AP2B1: variants seen among roughly 807,000 people sequenced by gnomAD.
AP2B1 encodes adaptor related protein complex 2 subunit beta 1.
A neutral mutation model predicts 102.0 loss-of-function variants in AP2B1; 23 were observed. The ratio of observed to expected loss-of-function variants is 0.23; its 90% CI spans 0.16 to 0.32. The LOEUF is 0.32. Among genes scored for constraint, AP2B1 ranks in the 10% least tolerant of loss-of-function variants. The probability of loss-of-function intolerance (pLI) is 1.00; values close to 1 mark genes in which losing one functional copy is unlikely to be tolerated. For missense variants in AP2B1, 541 were observed against 1,157.4 expected, an observed-to-expected ratio of 0.47 and a Z score of 7.73; for synonymous variants, 381 against 421.2, an observed-to-expected ratio of 0.90 and a Z score of 1.17.
chr17:35,626,960 T>A, intron 7 of AP2B1, 118 bp downstream of exon 7: 1 of 1,028,222 alleles, frequency 9.7e-7, no homozygotes, highest in Non-Finnish European at 1.4e-6. Flanking sequence ...GAAAATGTTA[T>A]ATGGCAGAAA....
At chr17:35,675,431 T>C (rs961990535) in intron 17 of AP2B1, among the ~76,000 whole-genome samples, 2 of 152,250 alleles carry the variant, frequency 1.3e-5, no homozygotes, top group Non-Finnish European at 2.9e-5. Flanking sequence ...ATGTTAAAAA[T>C]CATTTAACTA....
intron 13 of AP2B1, among the ~76,000 whole-genome samples, chr17:35,652,358 G>A (rs780774930): frequency 3.3e-5 from 5 of 152,184 alleles, no homozygotes; most frequent in South Asian, 2.1e-4. Flanking sequence ...GTTAATAAGT[G>A]ATACACCTCT....
chr17:35,652,396 C>T (rs1732869666), intron 13 of AP2B1, among the ~76,000 whole-genome samples: 2 of 152,106 alleles, frequency 1.3e-5, no homozygotes, highest in African/African-American at 2.4e-5. Context: ...CACTTTAAAC[C>T]TTATTCTGCA....
chr17:35,706,817 A>T (rs587738843), intron 18 of AP2B1, among the ~76,000 whole-genome samples: 17 of 151,488 alleles, frequency 1.1e-4, no homozygotes, highest in African/African-American at 2.7e-4. Flanking sequence ...ATATATATAT[A>T]TTTTTTTGTA....
intron 9 of AP2B1, among the ~76,000 whole-genome samples, chr17:35,628,121 T>C (rs1044907206): frequency 1.3e-5 from 2 of 152,218 alleles, no homozygotes; most frequent in African/African-American, 4.8e-5. Context: ...TTACATAGTA[T>C]TTACATTGCA....
intron 18 of AP2B1, 67 bp downstream of exon 18, chr17:35,682,891 T>A: frequency 6.9e-7 from 1 of 1,439,148 alleles, no homozygotes; most frequent in East Asian, 2.8e-5. Context: ...TTATTATTAT[T>A]TTTAAAGACA....
Position 35,608,334 on chromosome 17 carries a change from G to T in AP2B1, c.472G>T (p.Asp158Tyr). The T allele has an allele frequency of 6.2e-7, 1 of 1,614,212 alleles. No homozygotes were observed. Among genetic ancestry groups the T allele is most frequent in the Admixed American group, 1.7e-5 (1 of 60,026 alleles). Residue 158 changes from aspartate (D) to tyrosine (Y), a missense_variant, in exon 5 of 22, where the codon GAT becomes TAT. Asp to Tyr is a radical substitution (Grantham distance 160). Transcript: ENST00000610402. ...TGATATCAATGCCCAAATGGTGGAAGATCAGGGATTTCTGGATTCTCTACG... is the reference window on the plus strand; with the variant it reads ...TGATATCAATGCCCAAATGGTGGAATATCAGGGATTTCTGGATTCTCTACG... ...LHDINAQMVE[D>Y]QGFLDSLRDL...
intron 5 of AP2B1, among the ~76,000 whole-genome samples, chr17:35,613,159 C>G (rs1430093332): frequency 6.6e-6 from 1 of 150,836 alleles, no homozygotes; most frequent in African/African-American, 2.4e-5. Flanking sequence ...ATATTAGATT[C>G]TCTTAGAAAA....
intron 9 of AP2B1, among the ~76,000 whole-genome samples, chr17:35,629,471 A>G (rs929457289): frequency 2.6e-5 from 4 of 151,948 alleles, no homozygotes; most frequent in African/African-American, 9.7e-5. Context: ...TGTTATTGGT[A>G]TATTTTTCCT....
At chr17:35,626,285 T>G (rs182737040) in intron 6 of AP2B1, among the ~76,000 whole-genome samples, 2 of 152,212 alleles carry the variant, frequency 1.3e-5, no homozygotes, top group African/African-American at 4.8e-5. Flanking sequence ...CAGGGAGCCT[T>G]AACATAATAT....
chr17:35,623,317 A>G (rs1039272694), intron 5 of AP2B1, among the ~76,000 whole-genome samples: 2 of 151,974 alleles, frequency 1.3e-5, no homozygotes, highest in Admixed American at 1.3e-4. Flanking sequence ...TAATCCCAAC[A>G]CTTTGGGAGG....
At chr17:35,594,328 T>C (rs2073191859) in intron 2 of AP2B1, among the ~76,000 whole-genome samples, 1 of 152,230 alleles carries the variant, frequency 6.6e-6, no homozygotes, top group South Asian at 2.1e-4. Flanking sequence ...TTTGAGATGA[T>C]CCATTGGAGA....
intron 21 of AP2B1, among the ~76,000 whole-genome samples, chr17:35,722,537 G>C (rs1191335795): frequency 6.6e-6 from 1 of 151,936 alleles, no homozygotes; most frequent in South Asian, 2.1e-4. Context: ...TAACTTTTTA[G>C]GTTGTTAGTT....
At chr17:35,670,819 T>A in intron 14 of AP2B1, 38 bp from the exon 15 acceptor site, 1 of 1,609,328 alleles carries the variant, frequency 6.2e-7, no homozygotes, top group Non-Finnish European at 8.5e-7. Flanking sequence ...CTAAATGAAC[T>A]CTACCTCTCT....
chr17:35,598,315 G>A lies in AP2B1; in HGVS notation c.123G>A (p.Met41Ile). ...CTGTGAAGAAAGTGATTGCTGCTAT[G>A]ACCGTGGGGAAGGATGTTAGGTAAG... ...KEAVKKVIAA[M>I]TVGKDVSSLF... The change falls in exon 3 of 22, where the codon ATG (methionine) becomes ATA (isoleucine). Residue 41 changes from methionine (M) to isoleucine (I), a missense_variant. Transcript: ENST00000610402. 1 of 1,611,732 alleles carries A rather than the reference G, an allele frequency of 6.2e-7. No homozygotes were observed. Among genetic ancestry groups the A allele is most frequent in the Non-Finnish European group, 8.5e-7 (1 of 1,178,306 alleles).
intron 1 of AP2B1, among the ~76,000 whole-genome samples, chr17:35,591,233 C>G (rs2073089351): frequency 6.6e-6 from 1 of 151,388 alleles, no homozygotes; most frequent in Admixed American, 6.6e-5. Flanking sequence ...AACATGTAGT[C>G]CCAGCTACTC....
In AP2B1 at chr17:35,624,498, A is replaced by G. The variant is rs1369034963; in HGVS notation, c.627A>G (p.Thr209=). Residue 209 remains threonine, a synonymous_variant, in exon 6 of 22, where the codon ACA becomes ACG. Coordinates refer to ENST00000610402, the MANE Select transcript of AP2B1 (RefSeq NM_001030006.2). ...LNPQNINKLL[T]ALNECTEWGQ... is the part of the protein sequence containing the mutation. Reference sequence around the variant, plus strand: ...CACAGAACATTAATAAGCTGCTGACAGCCCTGAATGAATGCACTGAATGGG... The same window carrying G: ...CACAGAACATTAATAAGCTGCTGACGGCCCTGAATGAATGCACTGAATGGG... 1 of 1,614,214 alleles carries G rather than the reference A, an allele frequency of 6.2e-7. No individual in the cohort carries two copies. Among genetic ancestry groups the G allele is most frequent in the Non-Finnish European group, 8.5e-7 (1 of 1,180,018 alleles).
chr17:35,684,519 T>G (rs990660061), intron 18 of AP2B1, among the ~76,000 whole-genome samples: 4 of 152,242 alleles, frequency 2.6e-5, no homozygotes, highest in South Asian at 2.1e-4. Context: ...CTAACTACCT[T>G]GTTGCCACAG....
intron 2 of AP2B1, chr17:35,596,823 C>T (rs910719595): frequency 2.3e-5 from 15 of 654,108 alleles, no homozygotes; most frequent in Non-Finnish European, 3.7e-5. Context: ...TGCCAGGCCC[C>T]GCAGGCGCTG....
Sources: gnomAD v4.1 joint callset for allele counts (sites outside exome capture counted in the v4.1 genomes callset) on GRCh38, gnomAD v4.1.1 for gene constraint, MANE v1.5 for transcripts, NCBI Gene and HGNC (gene_info 2026-07-23, HGNC 2026-07-21) for gene names.